ARIH2: variants seen among roughly 807,000 people sequenced by gnomAD.
ARIH2 encodes the protein E3 ubiquitin-protein ligase ARIH2.
In ARIH2, 12 loss-of-function variants were observed where a neutral mutation model predicts 79.8. The observed-to-expected ratio is 0.15, with a 90% CI of 0.10 to 0.24. The LOEUF is 0.24. Ranked by LOEUF, ARIH2 falls within the 10% of genes least tolerant of loss-of-function variation. ARIH2 has a pLI of 1.00. For synonymous variants in ARIH2, 224 were observed against 213.9 expected, an observed-to-expected ratio of 1.05 and a Z score of -0.41; for missense variants, 301 against 618.3, an observed-to-expected ratio of 0.49 and a Z score of 5.44.
intron 8 of ARIH2, among the ~76,000 whole-genome samples, chr3:48,973,214 C>T (rs747675549): frequency 6.6e-6 from 1 of 151,892 alleles, no homozygotes; most frequent in Non-Finnish European, 1.5e-5. Context: ...GAGGCTGAGG[C>T]GGGCAGATCT....
chr3:48,959,315 C>CA (rs572436218), intron 3 of ARIH2, among the ~76,000 whole-genome samples: 2,578 of 82,628 alleles, frequency 0.031, 67 homozygotes, highest in African/African-American at 0.084. Context: ...GACTCCATCT[C>CA]AAAAAAAAAA....
At chr3:48,981,817 C>G (rs1262465901) in intron 14 of ARIH2, 89 bp downstream of exon 14, 1 of 1,108,314 alleles carries the variant, frequency 9.0e-7, no homozygotes, top group South Asian at 1.3e-5. Context: ...AGGACCAGAC[C>G]TTGGTCATTG....
At chr3:48,978,916 G>A (rs925876341) in intron 11 of ARIH2, among the ~76,000 whole-genome samples, 12 of 151,498 alleles carry the variant, frequency 7.9e-5, no homozygotes, top group Admixed American at 6.6e-5. Flanking sequence ...AGCCAAGATC[G>A]CGCCACTGCA....
intron 1 of ARIH2, among the ~76,000 whole-genome samples, chr3:48,921,026 G>C (rs1342550835): frequency 1.3e-5 from 1 of 75,652 alleles, no homozygotes; most frequent in Non-Finnish European, 2.7e-5. Flanking sequence ...GCGCGATCTC[G>C]GCTCACTGCA....
intron 3 of ARIH2, among the ~76,000 whole-genome samples, chr3:48,959,260 G>C (rs2107508891): frequency 6.9e-6 from 1 of 145,916 alleles, no homozygotes; most frequent in South Asian, 2.2e-4. Context: ...AGCTTGCAGT[G>C]AGCCGAGATT....
In ARIH2 at chr3:48,927,842, T is replaced by C. The variant is rs987637433; in HGVS notation, c.255+29T>C. 10 of 1,605,632 alleles carry C rather than the reference T, an allele frequency of 6.2e-6. No homozygotes were observed. The African/African-American group carries it at 1.2e-4, about 19-fold the overall frequency. On this transcript the variant is annotated intron_variant, in intron 3 of 15. Coordinates refer to ENST00000356401, the MANE Select transcript of ARIH2 (RefSeq NM_006321.4). ...AGCAGTGTTGTAAACTCCAGTGTAATCCCCCCCAGTTAAATCTAAGGATGA... is the reference window on the plus strand; with the variant it reads ...AGCAGTGTTGTAAACTCCAGTGTAACCCCCCCCAGTTAAATCTAAGGATGA...
At position 48,927,483 on chromosome 3, in the gene ARIH2, T is replaced by C. The variant is rs186009422; in HGVS notation, c.-76T>C. 1 of 1,543,772 alleles carries C rather than the reference T, an allele frequency of 6.5e-7. No individual in the cohort carries two copies. The highest frequency in any genetic ancestry group is 2.2e-5 in the East Asian group (1 of 44,452). On this transcript the variant is annotated 5_prime_UTR_variant, in exon 3 of 16. Transcript: ENST00000356401. ...TTAGAAGACAAAAATACTAATGCAT[T>C]TGAGAAAGCGGTAGTTTTGGGGGGA... is the stretch of plus-strand genomic sequence containing the variant.
In ARIH2 at chr3:48,980,344, G is replaced by A; in HGVS notation, c.1114-9G>A. 1 of 1,612,206 alleles carries A rather than the reference G, an allele frequency of 6.2e-7. No individual in the cohort carries two copies. The highest frequency in any genetic ancestry group is 1.3e-5 in the African/African-American group (1 of 74,980). On this transcript the variant is annotated splice_polypyrimidine_tract_variant and intron_variant, in intron 12 of 15. Coordinates refer to ENST00000356401, the MANE Select transcript of ARIH2 (RefSeq NM_006321.4). ...TCCTGTGGTTTTCTTCTTCTTCTGT[G>A]CCCTGTAGTGGGAAAACCACAATAA...
At chr3:48,932,438 C>A (rs559513797) in intron 3 of ARIH2, among the ~76,000 whole-genome samples, 11 of 152,274 alleles carry the variant, frequency 7.2e-5, no homozygotes, top group Non-Finnish European at 1.3e-4. Flanking sequence ...TTATATGAGA[C>A]TTATACAAAG....
intron 3 of ARIH2, chr3:48,934,708 A>T: frequency 1.0e-6 from 1 of 985,466 alleles, no homozygotes; most frequent in Non-Finnish European, 1.2e-6. Context: ...AAAGGCGATG[A>T]GAAATGTCCA....
chr3:48,936,604 A>T (rs935692154), intron 3 of ARIH2, among the ~76,000 whole-genome samples: 4 of 152,062 alleles, frequency 2.6e-5, no homozygotes, highest in African/African-American at 2.4e-5. Context: ...ATGGTGGTGC[A>T]TGCCTGTAGT....
chr3:48,981,048 G>A lies in ARIH2; in HGVS notation c.1257+552G>A, dbSNP rs149419561. ...AAAAAAAAAAAAAAAAAAAAGATTG[G>A]GCAGGGTGCAGTGTCTCACGCCTAT... On this transcript the variant is annotated intron_variant, in intron 13 of 15. Transcript: ENST00000356401. Among the ~76,000 whole-genome samples the A allele has an allele frequency of 8.7e-4, 126 of 145,138 alleles. No homozygotes were observed. The Middle Eastern group carries it at 0.019, about 21-fold the overall frequency.
chr3:48,945,033 G>A (rs1488355480), intron 3 of ARIH2: 1 of 984,348 alleles, frequency 1.0e-6, no homozygotes, highest in South Asian at 1.3e-5. Context: ...CGAAGTGGCA[G>A]GCTGAGGCAT....
rs769571023 is a variant in ARIH2 at position 48,981,711 on chromosome 3, G to A, written c.1309G>A (p.Gly437Arg). 1.6e-5 allele frequency: 26 copies of A among 1,613,544 alleles called. No homozygotes were observed. The highest frequency in any genetic ancestry group is 1.8e-5 in the Non-Finnish European group (21 of 1,179,764). The part of the protein sequence containing the change: ...TYPYAYYMES[G>R]PRKKLFEYQQ... ...CCCATATGCATATTACATGGAGTCC[G>A]GACCCAGGAAGAAGCTGGTAAGGCA... is the stretch of plus-strand genomic sequence containing the variant. Residue 437 changes from glycine (G) to arginine (R), a missense_variant, in exon 14 of 16, where the codon GGA becomes AGA. This residue lies in a region of ARIH2 where 78 missense variants were observed against 268.9 expected (regional missense o/e 0.29). Coordinates refer to ENST00000356401, the MANE Select transcript of ARIH2 (RefSeq NM_006321.4).
chr3:48,970,503 G>T, intron 7 of ARIH2, 92 bp from the exon 8 acceptor site: 5 of 831,388 alleles, frequency 6.0e-6, no homozygotes, highest in Non-Finnish European at 1.0e-5. Context: ...CATCAGCTGG[G>T]AGAACAGAAA....
At chr3:48,948,218 C>CTTTA (rs2089470453) in intron 3 of ARIH2, among the ~76,000 whole-genome samples, 1 of 152,108 alleles carries the variant, frequency 6.6e-6, no homozygotes, top group African/African-American at 2.4e-5. Flanking sequence ...GCCTCGGCCT[C>CTTTA]CTAAAGTGCT....
chr3:48,926,641 C>T (rs1369061628), intron 2 of ARIH2: 3 of 152,104 alleles, frequency 2.0e-5, no homozygotes, highest in Non-Finnish European at 4.4e-5. Context: ...AACTCTGCCT[C>T]CCGGGTTAAA....
intron 3 of ARIH2, among the ~76,000 whole-genome samples, chr3:48,935,964 C>T (rs1013890098): frequency 3.9e-5 from 6 of 152,234 alleles, no homozygotes; most frequent in Admixed American, 1.3e-4. Context: ...GCCTCTGGTT[C>T]TCTTCTCCTG....
At chr3:48,932,491 A>G (rs1042705118) in intron 3 of ARIH2, among the ~76,000 whole-genome samples, 1 of 152,216 alleles carries the variant, frequency 6.6e-6, no homozygotes, top group Non-Finnish European at 1.5e-5. Context: ...TCTTGTAACC[A>G]TAAGCATTTT....
Sources: allele counts gnomAD v4.1 joint callset (sites outside exome capture counted in the v4.1 genomes callset), GRCh38; gene constraint gnomAD v4.1.1; regional missense constraint gnomAD v4.1.1; transcripts MANE v1.5; gene names NCBI Gene and HGNC (gene_info 2026-07-23, HGNC 2026-07-21).